ELP4: variants seen among roughly 807,000 people sequenced by gnomAD.
ELP4 encodes elongator acetyltransferase complex subunit 4, also known as elongator complex protein 4.
In ELP4, 51 loss-of-function variants were observed where a neutral mutation model predicts 48.9. The observed-to-expected ratio is 1.04, with a 90% CI of 0.83 to 1.32. ELP4 has a LOEUF of 1.32. Among genes scored for constraint, ELP4 ranks in the 40% most tolerant of loss-of-function variants. The probability of loss-of-function intolerance (pLI) is 0.00; values close to 1 mark genes in which losing one functional copy is unlikely to be tolerated. For missense variants in ELP4, 519 were observed against 514.6 expected, an observed-to-expected ratio of 1.01 and a Z score of -0.08; for synonymous variants, 210 against 189.2, an observed-to-expected ratio of 1.11 and a Z score of -0.90.
chr11:31,520,757 T>C (rs574304354), intron 2 of ELP4, among the ~76,000 whole-genome samples: 1 of 152,244 alleles, frequency 6.6e-6, no homozygotes, highest in South Asian at 2.1e-4. Context: ...ACCCTTAAAA[T>C]ATTTGAAAAT....
chr11:31,646,948 T>A (rs1270074173), intron 7 of ELP4: 1 of 151,696 alleles, frequency 6.6e-6, no homozygotes, highest in Non-Finnish European at 1.5e-5. Flanking sequence ...ATTTTAGAAC[T>A]TTTGCTACTT....
chr11:31,709,549 A>G (rs112891415), intron 9 of ELP4, among the ~76,000 whole-genome samples: 20 of 152,172 alleles, frequency 1.3e-4, no homozygotes, highest in African/African-American at 4.6e-4. Context: ...TAATTAATAT[A>G]CCACACCTCA....
chr11:31,656,938 C>G (rs1945449322), intron 9 of ELP4, among the ~76,000 whole-genome samples: 1 of 151,962 alleles, frequency 6.6e-6, no homozygotes. Context: ...CTCTCTGAAA[C>G]ACTTCTTTTC....
intron 3 of ELP4, among the ~76,000 whole-genome samples, chr11:31,577,635 T>C (rs957554881): frequency 1.3e-5 from 2 of 152,060 alleles, no homozygotes; most frequent in Non-Finnish European, 2.9e-5. Flanking sequence ...CAAGGGTGGT[T>C]CAACATACGC....
At chr11:31,582,857 C>T (rs999425538) in intron 3 of ELP4, among the ~76,000 whole-genome samples, 1 of 151,528 alleles carries the variant, frequency 6.6e-6, no homozygotes, top group African/African-American at 2.4e-5. Context: ...TTCTGCCCTT[C>T]TGAAAGCCTT....
At chr11:31,743,363 C>A (rs1338057113) in intron 9 of ELP4, among the ~76,000 whole-genome samples, 3 of 151,910 alleles carry the variant, frequency 2.0e-5, no homozygotes, top group Non-Finnish European at 2.9e-5. Flanking sequence ...ACAAGGATAC[C>A]CAGGAATTGA....
intron 1 of ELP4, among the ~76,000 whole-genome samples, chr11:31,518,330 T>C (rs1956154861): frequency 6.6e-6 from 1 of 151,848 alleles, no homozygotes; most frequent in Non-Finnish European, 1.5e-5. Flanking sequence ...GGTCTCGAAC[T>C]CCTGACTTCA....
chr11:31,737,017 C>T lies in ELP4; in HGVS notation c.1144-46376C>T, dbSNP rs562815247. On this transcript the variant is annotated intron_variant, in intron 9 of 9. Coordinates refer to ENST00000640961, the MANE Select transcript of ELP4 (RefSeq NM_019040.5). ...ATGCTGCTATAAAGACACATGCACA[C>T]GTATGTTTATTGCAGCACTATTCAC... is the stretch of plus-strand genomic sequence containing the variant. Among the ~76,000 whole-genome samples, 5 of 152,232 alleles carry T rather than the reference C, an allele frequency of 3.3e-5. No individual in the cohort carries two copies. In the East Asian group the frequency reaches 5.8e-4, roughly 18 times the overall value.
chr11:31,711,716 A>C (rs1329037487), intron 9 of ELP4, among the ~76,000 whole-genome samples: 1 of 152,084 alleles, frequency 6.6e-6, no homozygotes, highest in Non-Finnish European at 1.5e-5. Flanking sequence ...AAACTAACCA[A>C]ATTAGTCATT....
chr11:31,741,155 C>A (rs1401926466), intron 9 of ELP4, among the ~76,000 whole-genome samples: 1 of 152,116 alleles, frequency 6.6e-6, no homozygotes, highest in African/African-American at 2.4e-5. Context: ...GCACAGCAGT[C>A]CGAGATCAAA....
At chr11:31,527,353 A>T (rs1300575006) in intron 2 of ELP4, among the ~76,000 whole-genome samples, 4 of 152,098 alleles carry the variant, frequency 2.6e-5, no homozygotes, top group African/African-American at 9.6e-5. Context: ...CTACATATAT[A>T]GGATACATAG....
chr11:31,666,474 A>G (rs1231063910), intron 9 of ELP4, among the ~76,000 whole-genome samples: 1 of 152,062 alleles, frequency 6.6e-6, no homozygotes, highest in Non-Finnish European at 1.5e-5. Flanking sequence ...TGGGTGGATC[A>G]TGAGGTCAGG....
intron 1 of ELP4, among the ~76,000 whole-genome samples, chr11:31,517,878 A>G (rs1201522182): frequency 1.3e-5 from 2 of 152,086 alleles, no homozygotes; most frequent in African/African-American, 2.4e-5. Context: ...TTGGCCTCCC[A>G]AAGTGCTGGG....
intron 3 of ELP4, among the ~76,000 whole-genome samples, chr11:31,540,708 TA>T (rs1956577613): frequency 6.6e-6 from 1 of 152,170 alleles, no homozygotes; most frequent in Non-Finnish European, 1.5e-5. Context: ...ATCTGATAGG[TA>T]ATATTCTACA....
At chr11:31,589,312 A>G (rs1382796870) in intron 3 of ELP4, among the ~76,000 whole-genome samples, 1 of 152,208 alleles carries the variant, frequency 6.6e-6, no homozygotes, top group African/African-American at 2.4e-5. Flanking sequence ...TATAGCCTTT[A>G]TTGGAAAATG....
chr11:31,623,697 TCTTC>T (rs935587593), intron 5 of ELP4, among the ~76,000 whole-genome samples: 1 of 150,982 alleles, frequency 6.6e-6, no homozygotes, highest in Non-Finnish European at 1.5e-5. Flanking sequence ...TGGCTTTGCA[TCTTC>T]CTTTTTATTC....
intron 9 of ELP4, among the ~76,000 whole-genome samples, chr11:31,708,734 T>C (rs1200458156): frequency 6.6e-6 from 1 of 152,126 alleles, no homozygotes; most frequent in East Asian, 1.9e-4. Context: ...TAACTTTTAA[T>C]TTCTTCCTAA....
At chr11:31,677,070 A>G (rs921618855) in intron 9 of ELP4, among the ~76,000 whole-genome samples, 1 of 152,236 alleles carries the variant, frequency 6.6e-6, no homozygotes, top group African/African-American at 2.4e-5. Flanking sequence ...AGCTCATTCA[A>G]TTAGTAGAAA....
chr11:31,524,484 A>G (rs187190215), intron 2 of ELP4, among the ~76,000 whole-genome samples: 1 of 152,344 alleles, frequency 6.6e-6, no homozygotes, highest in South Asian at 2.1e-4. Context: ...AACAGAAATG[A>G]CATCCCATCA....
Sources: gnomAD v4.1 joint callset for allele counts (sites outside exome capture counted in the v4.1 genomes callset) on GRCh38, gnomAD v4.1.1 for gene constraint, MANE v1.5 for transcripts, NCBI Gene and HGNC (gene_info 2026-07-23, HGNC 2026-07-21) for gene names.